The following SMCHD1 variants were observed in gnomAD, a reference collection of about 807,000 sequenced individuals.
SMCHD1 encodes structural maintenance of chromosomes flexible hinge domain-containing protein 1.
A neutral mutation model predicts 254.7 loss-of-function variants in SMCHD1; 78 were observed. The observed-to-expected ratio is 0.31, with a 90% CI of 0.26 to 0.37. SMCHD1 has a LOEUF of 0.37. Ranked by LOEUF, SMCHD1 falls within the 10% of genes least tolerant of loss-of-function variation. SMCHD1 has a pLI of 1.00. For synonymous variants in SMCHD1, 766 were observed against 794.9 expected (o/e 0.96, Z 0.61); for missense variants, 1,840 against 2,408.1 (o/e 0.76, Z 4.94).
intron 34 of SMCHD1, 147 bp downstream of exon 34, chr18:2,752,699 G>A: frequency 3.4e-6 from 2 of 587,276 alleles, no homozygotes; most frequent in Non-Finnish European, 6.0e-6. Flanking sequence ...AGTTTTTTGG[G>A]AAAAGGTGTG....
At chr18:2,696,489 T>G (rs1230227214) in intron 8 of SMCHD1, among the ~76,000 whole-genome samples, 1 of 152,170 alleles carries the variant, frequency 6.6e-6, no homozygotes, top group Non-Finnish European at 1.5e-5. Context: ...AGGTGGAACA[T>G]TTTCATCCCA....
At chr18:2,694,444 C>G in intron 7 of SMCHD1, 83 bp from the exon 8 acceptor site, 1 of 1,179,122 alleles carries the variant, frequency 8.5e-7, no homozygotes, top group Non-Finnish European at 1.2e-6. Context: ...CCAAGTAAAT[C>G]ACATTAAAAT....
chr18:2,769,421 C>T (rs1000084058), intron 37 of SMCHD1, among the ~76,000 whole-genome samples: 3 of 152,072 alleles, frequency 2.0e-5, no homozygotes, highest in African/African-American at 7.2e-5. Flanking sequence ...ATAACTTTTT[C>T]TTGAAATTTT....
At chr18:2,732,838 A>G (rs1214080159) in intron 25 of SMCHD1, among the ~76,000 whole-genome samples, 1 of 152,238 alleles carries the variant, frequency 6.6e-6, no homozygotes. Context: ...CAGTTCTGAA[A>G]GCACTAAACA....
At chr18:2,740,157 C>T (rs969879974) in intron 27 of SMCHD1, among the ~76,000 whole-genome samples, 2 of 152,070 alleles carry the variant, frequency 1.3e-5, no homozygotes, top group Non-Finnish European at 2.9e-5. Context: ...TTGTTCAACT[C>T]GCACTTAAGA....
rs35853884 is a variant in SMCHD1, at chr18:2,784,406, TGAAA to T, written c.5548-43_5548-40del. Reference sequence around the variant, plus strand: ...ATTATTTCTCCTTTTTTGGAGCAGTTGAAATAAGTTGCTCACTACTTACTATTCA... The same window carrying T: ...ATTATTTCTCCTTTTTTGGAGCAGTTTAAGTTGCTCACTACTTACTATTCA... On this transcript the variant is annotated intron_variant, in intron 44 of 47. Transcript: ENST00000320876. The T allele has an allele frequency of 0.24, 359,915 of 1,477,442 alleles. 44,461 individuals carry two copies. Among genetic ancestry groups the T allele is most frequent in the South Asian group, 0.34 (27,471 of 79,678 alleles). 91.5% of individuals were successfully genotyped at this position (1,477,442 alleles called of 1,614,324 possible).
intron 5 of SMCHD1, among the ~76,000 whole-genome samples, chr18:2,677,515 G>T (rs1164877180): frequency 2.0e-5 from 3 of 152,090 alleles, no homozygotes; most frequent in Non-Finnish European, 4.4e-5. Context: ...AGTTAAAATT[G>T]TGCAACCATC....
chr18:2,760,001 C>G (rs2075758503), intron 34 of SMCHD1, among the ~76,000 whole-genome samples: 1 of 152,166 alleles, frequency 6.6e-6, no homozygotes. Context: ...AGTATGTATT[C>G]AAAGCCTGTG....
intron 32 of SMCHD1, 69 bp from the exon 33 acceptor site, chr18:2,751,209 A>G: frequency 1.2e-6 from 1 of 804,520 alleles, no homozygotes. Context: ...GCTTTAAGGC[A>G]TACAATTATT....
intron 32 of SMCHD1, 86 bp from the exon 33 acceptor site, chr18:2,751,192 G>A (rs2075564262): frequency 7.4e-6 from 5 of 679,130 alleles, no homozygotes; most frequent in Non-Finnish European, 1.2e-5. Flanking sequence ...ATTTAAATAA[G>A]ATGTTTGCTT....
Position 2,802,647 on chromosome 18 carries a change from G to T in SMCHD1, c.*95G>T. On this transcript the variant is annotated 3_prime_UTR_variant, in exon 48 of 48. Coordinates refer to ENST00000320876, the MANE Select transcript of SMCHD1 (RefSeq NM_015295.3). ...GACCAAGAGGGTGACTTACCAGACT[G>T]AGTATTTCTGGGGACAATACAAGTA... 1 of 1,190,222 alleles carries T rather than the reference G, an allele frequency of 8.4e-7. No homozygotes were observed. The highest frequency in any genetic ancestry group is 1.6e-5 in the South Asian group (1 of 64,306). The allele number at this position is 1,190,222 out of a possible 1,614,324, so 73.7% of individuals were successfully genotyped here.
intron 30 of SMCHD1, among the ~76,000 whole-genome samples, chr18:2,748,705 A>G (rs2075516409): frequency 6.6e-6 from 1 of 151,996 alleles, no homozygotes; most frequent in Non-Finnish European, 1.5e-5. Context: ...ATAAAGTTGT[A>G]TTTTTATACT....
intron 25 of SMCHD1, among the ~76,000 whole-genome samples, chr18:2,733,424 G>A (rs1438582032): frequency 6.6e-6 from 1 of 152,220 alleles, no homozygotes; most frequent in Non-Finnish European, 1.5e-5. Flanking sequence ...GCTTGATGAA[G>A]CAATGATTGC....
At chr18:2,689,488 T>C (rs982160026) in intron 7 of SMCHD1, among the ~76,000 whole-genome samples, 4 of 152,052 alleles carry the variant, frequency 2.6e-5, no homozygotes, top group African/African-American at 9.7e-5. Flanking sequence ...CCCAAAGTGC[T>C]AGGATTACAG....
At chr18:2,730,161 A>AT (rs988527813) in intron 24 of SMCHD1, among the ~76,000 whole-genome samples, 1 of 151,656 alleles carries the variant, frequency 6.6e-6, no homozygotes, top group African/African-American at 2.4e-5. Flanking sequence ...ACACAAAGGG[A>AT]TTTTTTTTAT....
At chr18:2,675,339 A>G (rs2073719410) in intron 5 of SMCHD1, among the ~76,000 whole-genome samples, 1 of 140,366 alleles carries the variant, frequency 7.1e-6, no homozygotes, top group Non-Finnish European at 1.5e-5. Context: ...ATCTCGGCTC[A>G]CTGCAACCTC....
rs759352725 is a variant in SMCHD1 at position 2,778,255 on chromosome 18, C to A, written c.5547+16C>A. ...TAGAAAAGAGGTATGTATTTGATTT[C>A]TTTTTAAATTTGTAGACTTCAGTTT... is the stretch of plus-strand genomic sequence containing the variant. On this transcript the variant is annotated intron_variant, in intron 44 of 47. Transcript: ENST00000320876. 6.4e-7 allele frequency: 1 copy of A among 1,571,084 alleles called. No individual in the cohort carries two copies. Among genetic ancestry groups the A allele is most frequent in the Non-Finnish European group, 8.7e-7 (1 of 1,148,956 alleles).
intron 7 of SMCHD1, among the ~76,000 whole-genome samples, chr18:2,689,295 G>A (rs145937775): frequency 6.9e-6 from 1 of 145,322 alleles, no homozygotes; most frequent in East Asian, 2.0e-4. Context: ...TCAGCTCGCT[G>A]CAACCTCCAC....
intron 23 of SMCHD1, 26 bp from the exon 24 acceptor site, chr18:2,729,249 T>C (rs2075088207): frequency 5.6e-6 from 8 of 1,418,932 alleles, no homozygotes; most frequent in Admixed American, 3.2e-5. Flanking sequence ...ATAGGGGTCT[T>C]ACATTATTTT....
Sources: allele counts gnomAD v4.1 joint callset (sites outside exome capture counted in the v4.1 genomes callset), GRCh38; gene constraint gnomAD v4.1.1; transcripts MANE v1.5; gene names NCBI Gene and HGNC (gene_info 2026-07-23, HGNC 2026-07-21).